Variants in RMDN1 observed in about 807,000 individuals in gnomAD.
The protein encoded by RMDN1 is regulator of microtubule dynamics protein 1.
A neutral mutation model predicts 48.9 loss-of-function variants in RMDN1; 48 were observed. The observed-to-expected ratio is 0.98, with a 90% CI of 0.78 to 1.25. RMDN1 has a LOEUF of 1.25. Ranked by LOEUF, RMDN1 falls within the 50% of genes most tolerant of loss-of-function variation. The pLI, the probability that RMDN1 is intolerant of heterozygous loss-of-function variation, is 0.00. For synonymous variants in RMDN1, 148 were observed against 132.6 expected (o/e 1.12, Z -0.80); for missense variants, 418 against 373.4 (o/e 1.12, Z -0.98).
At chr8:86,501,221 A>G (rs1165587387) in intron 2 of RMDN1, among the ~76,000 whole-genome samples, 1 of 152,182 alleles carries the variant, frequency 6.6e-6, no homozygotes, top group East Asian at 1.9e-4. Flanking sequence ...AAAAAAATAA[A>G]CAAGAAAAAA....
At chr8:86,498,514 C>T (rs899578404) in intron 2 of RMDN1, among the ~76,000 whole-genome samples, 42 of 152,258 alleles carry the variant, frequency 2.8e-4, no homozygotes, top group African/African-American at 9.9e-4. Flanking sequence ...CATGGTGGCT[C>T]ATGTCTGTAA....
intron 3 of RMDN1, 24 bp from the exon 4 acceptor site, chr8:86,486,667 C>A (rs1815534362): frequency 6.3e-7 from 1 of 1,575,626 alleles, no homozygotes; most frequent in East Asian, 2.2e-5. Flanking sequence ...AAATATAAAA[C>A]AACCATTTTA....
chr8:86,482,099 A>C (rs1814589559), intron 5 of RMDN1: 2 of 582,320 alleles, frequency 3.4e-6, no homozygotes, highest in Admixed American at 5.4e-5. Context: ...CTGGACCTCG[A>C]TCTTGAAAGG....
upstream of RMDN1, among the ~76,000 whole-genome samples, chr8:86,511,428 C>T (rs960231255): frequency 2.0e-5 from 3 of 151,622 alleles, no homozygotes; most frequent in African/African-American, 7.3e-5. Context: ...GAGCCGAGAT[C>T]GCACCACTGC....
chr8:86,488,072 T>A (rs1469828995), intron 3 of RMDN1, among the ~76,000 whole-genome samples: 1 of 152,074 alleles, frequency 6.6e-6, no homozygotes, highest in Non-Finnish European at 1.5e-5. Context: ...AAACATACAA[T>A]CTAATAATAA....
intron 5 of RMDN1, 79 bp downstream of exon 5, chr8:86,484,793 G>T: frequency 2.7e-6 from 2 of 753,420 alleles, no homozygotes; most frequent in Non-Finnish European, 4.4e-6. Context: ...TTGATATACA[G>T]CAATAGATAA....
chr8:86,486,370 G>GAA, intron 4 of RMDN1, 114 bp downstream of exon 4: 8 of 667,850 alleles, frequency 1.2e-5, no homozygotes, highest in Admixed American at 4.1e-5. Context: ...TGAATAAAAA[G>GAA]AAAAAAAAAC....
chr8:86,508,545 C>A lies in RMDN1; in HGVS notation c.76G>T (p.Gly26Trp). 1 of 1,589,060 alleles carries A rather than the reference C, an allele frequency of 6.3e-7. No homozygotes were observed. Among genetic ancestry groups the A allele is most frequent in the Non-Finnish European group, 8.5e-7 (1 of 1,170,144 alleles). The change falls in exon 1 of 10, where the codon GGG (glycine) becomes TGG (tryptophan). Residue 26 changes from glycine to tryptophan, a missense_variant. Gly to Trp is a radical substitution (Grantham distance 184). Transcript: ENST00000406452. ...CAATGCCCGCGGCTGCCCGAAGTCC[C>A]CGCAGGGAGACGAGACCCCGGGGCG... ...GAAPGSRLPA[G>W]TSGSRGHCGP... is the part of the protein sequence containing the mutation.
downstream of RMDN1, chr8:86,472,213 C>G: frequency 1.7e-6 from 1 of 585,500 alleles, no homozygotes; most frequent in Non-Finnish European, 3.0e-6. Flanking sequence ...TGTATAAATA[C>G]AGGTTGAACA....
chr8:86,483,836 T>C (rs1463286835), intron 5 of RMDN1, among the ~76,000 whole-genome samples: 1 of 151,632 alleles, frequency 6.6e-6, no homozygotes, highest in Non-Finnish European at 1.5e-5. Context: ...TTTTTTTTTT[T>C]TTTTTTGAGA....
At chr8:86,504,603 A>G in intron 2 of RMDN1, 1 of 979,402 alleles carries the variant, frequency 1.0e-6, no homozygotes, top group Non-Finnish European at 1.7e-6. Flanking sequence ...TAGGCCTTGG[A>G]GGGATGGCTT....
intron 6 of RMDN1, among the ~76,000 whole-genome samples, chr8:86,479,322 G>A (rs1350502189): frequency 6.6e-6 from 1 of 152,142 alleles, no homozygotes; most frequent in East Asian, 1.9e-4. Flanking sequence ...TTATATATGA[G>A]ATAGGATAAT....
intron 7 of RMDN1, 81 bp downstream of exon 7, chr8:86,478,842 A>C: frequency 1.9e-6 from 2 of 1,077,244 alleles, no homozygotes; most frequent in Non-Finnish European, 2.8e-6. Context: ...ACTGAATCAG[A>C]GCTCCACATG....
Position 86,474,597 on chromosome 8 carries a change from A to G in RMDN1, c.894+223T>C, listed in dbSNP as rs1473197729. On this transcript the variant is annotated intron_variant, in intron 9 of 9. Coordinates refer to ENST00000406452, the MANE Select transcript of RMDN1 (RefSeq NM_016033.3). ...TCTGCCATGTGTGTCAAACAGGAAT[A>G]ATTCTGCATTGTAGCAGGCAACCCG... 1.5e-5 allele frequency: 11 copies of G among 715,586 alleles called. No homozygotes were observed. In the Admixed American group the frequency reaches 2.3e-4, roughly 15 times the overall value. 44.3% of individuals were successfully genotyped at this position (715,586 alleles called of 1,614,324 possible).
At chr8:86,505,168 A>G (rs1819102832) in intron 2 of RMDN1, 13 of 1,110,614 alleles carry the variant, frequency 1.2e-5, no homozygotes, top group Middle Eastern at 6.9e-4. Context: ...GAATGCTGCT[A>G]CTTGATTCCT....
intron 2 of RMDN1, among the ~76,000 whole-genome samples, chr8:86,506,145 T>A (rs1397154789): frequency 6.6e-6 from 1 of 152,198 alleles, no homozygotes; most frequent in Non-Finnish European, 1.5e-5. Context: ...ACCACCTATC[T>A]GGTGGGAGAG....
At chr8:86,469,405 G>C (rs1038000379), downstream of RMDN1, among the ~76,000 whole-genome samples, 2 of 152,178 alleles carry the variant, frequency 1.3e-5, no homozygotes, top group African/African-American at 4.8e-5. Flanking sequence ...ACGACAGAAA[G>C]CCACAGCTTT....
chr8:86,508,495 G>C lies in RMDN1; in HGVS notation c.126C>G (p.Phe42Leu), dbSNP rs1819775608. The C allele has an allele frequency of 1.3e-6, 2 of 1,548,466 alleles. No individual in the cohort carries two copies. The highest frequency in any genetic ancestry group is 1.7e-6 in the Non-Finnish European group (2 of 1,147,452). Residue 42 changes from phenylalanine to leucine, a missense_variant, in exon 1 of 10, where the codon TTC (phenylalanine) becomes TTG (leucine). Physicochemically the swap from Phe to Leu is conservative, Grantham distance 22. Transcript: ENST00000406452. ...GGAGCCAGGACCACGGGGGTACCTCGAAGCCGCGGAATCGACAGGGGCCGC... is the reference window on the plus strand; with the variant it reads ...GGAGCCAGGACCACGGGGGTACCTCCAAGCCGCGGAATCGACAGGGGCCGC... ...GHCGPCRFRG[F>L]EVMGNPGTFK...
rs747885951 is a variant in RMDN1 at position 86,480,304 on chromosome 8, G to A, written c.614C>T (p.Ala205Val). ...EKAIELNPKD[A>V]TSIHLMGIWC... ...AATACCCATAAGGTGAATTGAAGTAGCATCTTTAGGGTTCAGTTCAATTGC... is the reference window on the plus strand; with the variant it reads ...AATACCCATAAGGTGAATTGAAGTAACATCTTTAGGGTTCAGTTCAATTGC... Residue 205 changes from alanine (A) to valine (V), a missense_variant, in exon 6 of 10, where the codon GCT (alanine) becomes GTT (valine). Ala to Val is a moderately conservative substitution (Grantham distance 64, BLOSUM62 0). Coordinates refer to ENST00000406452, the MANE Select transcript of RMDN1 (RefSeq NM_016033.3). The A allele has an allele frequency of 5.2e-6, 8 of 1,543,694 alleles. No homozygotes were observed. The highest frequency in any genetic ancestry group is 3.4e-4 in the Middle Eastern group (2 of 5,910).
Sources: allele counts gnomAD v4.1 joint callset (sites outside exome capture counted in the v4.1 genomes callset), GRCh38; gene constraint gnomAD v4.1.1; transcripts MANE v1.5; gene names NCBI Gene and HGNC (gene_info 2026-07-23, HGNC 2026-07-21).